RHBDD1: variants seen among roughly 807,000 people sequenced by gnomAD.
The protein encoded by RHBDD1 is rhomboid-related protein 4.
Under a neutral mutation model 36.3 loss-of-function variants are expected in RHBDD1, and 38 were observed. That is an observed-to-expected ratio of 1.05 (90% CI 0.81 to 1.37). The LOEUF (loss-of-function observed/expected upper bound fraction) is 1.37, where lower values mean the gene tolerates loss of function less well. RHBDD1 is among the 40% of genes most tolerant of loss of function. The pLI is 0.00. For missense variants in RHBDD1, 393 were observed against 377.6 expected, an observed-to-expected ratio of 1.04 and a Z score of -0.34; for synonymous variants, 151 against 136.5, an observed-to-expected ratio of 1.11 and a Z score of -0.74.
chr2:226,971,669 A>G (rs1193598273), intron 8 of RHBDD1, among the ~76,000 whole-genome samples: 1 of 152,184 alleles, frequency 6.6e-6, no homozygotes, highest in African/African-American at 2.4e-5. Context: ...AAATATTCAG[A>G]CAAGTTTCTT....
At position 226,988,789 on chromosome 2, in the gene RHBDD1, A is replaced by G. The variant is rs554250273; in HGVS notation, c.857-6642A>G. 1.2e-5 allele frequency: 10 copies of G among 803,276 alleles called. No individual in the cohort carries two copies. In the African/African-American group the frequency reaches 1.7e-4, roughly 13 times the overall value. The allele number at this position is 803,276 out of a possible 1,614,324, so 49.8% of individuals were successfully genotyped here. On this transcript the variant is annotated intron_variant, in intron 8 of 8. Transcript: ENST00000392062. ...TGTAAGAAGTTACAAACTGTTCTCT[A>G]TTTTAGAAAATACTTGAGAGTTAAC...
At chr2:226,855,512 A>G (rs1943237158) in intron 3 of RHBDD1, among the ~76,000 whole-genome samples, 1 of 152,218 alleles carries the variant, frequency 6.6e-6, no homozygotes, top group Admixed American at 6.5e-5. Flanking sequence ...CTAAAAAACA[A>G]AAAACCCTCT....
chr2:226,958,315 C>T (rs753728836), intron 8 of RHBDD1, among the ~76,000 whole-genome samples: 12 of 152,040 alleles, frequency 7.9e-5, no homozygotes, highest in Non-Finnish European at 1.8e-4. Flanking sequence ...TATGAAGTGG[C>T]CATAATAGGC....
intron 5 of RHBDD1, among the ~76,000 whole-genome samples, chr2:226,879,348 A>G (rs746018288): frequency 1.3e-5 from 2 of 152,192 alleles, no homozygotes; most frequent in African/African-American, 4.8e-5. Flanking sequence ...TCTGGTGGCA[A>G]TGAGAAGAAC....
chr2:226,966,070 A>G (rs896864890), intron 8 of RHBDD1, among the ~76,000 whole-genome samples: 4 of 152,202 alleles, frequency 2.6e-5, no homozygotes, highest in African/African-American at 9.6e-5. Flanking sequence ...GGTTGGTTCA[A>G]CATACGCAAA....
At chr2:226,904,953 G>A (rs973612769) in intron 5 of RHBDD1, among the ~76,000 whole-genome samples, 2 of 152,098 alleles carry the variant, frequency 1.3e-5, no homozygotes, top group African/African-American at 4.8e-5. Flanking sequence ...AAACGGTCCT[G>A]GCACACTTGA....
the RHBDD1 span, among the ~76,000 whole-genome samples, chr2:226,813,597 C>T: frequency 5.3e-5 from 8 of 152,202 alleles, no homozygotes; most frequent in South Asian, 2.1e-4. Flanking sequence ...TCCTTCACTC[C>T]GCTCTGTCAC....
At chr2:226,916,620 T>G (rs1420723653) in intron 8 of RHBDD1, among the ~76,000 whole-genome samples, 1 of 152,208 alleles carries the variant, frequency 6.6e-6, no homozygotes, top group African/African-American at 2.4e-5. Flanking sequence ...AGACATCTTC[T>G]GATTATTATC....
chr2:226,938,943 G>C (rs1950510400), intron 8 of RHBDD1, among the ~76,000 whole-genome samples: 1 of 152,156 alleles, frequency 6.6e-6, no homozygotes, highest in African/African-American at 2.4e-5. Flanking sequence ...GATCAAGTAG[G>C]CTTCATCTCT....
the RHBDD1 span, among the ~76,000 whole-genome samples, chr2:226,818,253 A>G: frequency 7.4e-6 from 1 of 135,616 alleles, no homozygotes; most frequent in African/African-American, 2.8e-5. Flanking sequence ...TCCGCCTCCC[A>G]TGTTCACACC....
At chr2:226,893,608 A>G (rs1246374220) in intron 5 of RHBDD1, among the ~76,000 whole-genome samples, 4 of 152,254 alleles carry the variant, frequency 2.6e-5, no homozygotes, top group Admixed American at 6.5e-5. Flanking sequence ...TCGAAGCCTC[A>G]TGATTAAAAG....
chr2:226,834,643 T>C (rs971343269), upstream of RHBDD1, among the ~76,000 whole-genome samples: 1 of 152,236 alleles, frequency 6.6e-6, no homozygotes, highest in African/African-American at 2.4e-5. Flanking sequence ...GTTTTTGTTT[T>C]AGCAGACTAT....
chr2:226,887,569 A>T (rs1370204345), intron 5 of RHBDD1, among the ~76,000 whole-genome samples: 1 of 152,242 alleles, frequency 6.6e-6, no homozygotes, highest in African/African-American at 2.4e-5. Context: ...CAGTTTTGTG[A>T]AGTGTGATGC....
At chr2:226,912,057 A>G (rs1348959562) in intron 7 of RHBDD1, among the ~76,000 whole-genome samples, 1 of 152,182 alleles carries the variant, frequency 6.6e-6, no homozygotes. Flanking sequence ...AGAATGGACA[A>G]AAGATCTGGC....
intron 5 of RHBDD1, among the ~76,000 whole-genome samples, chr2:226,902,219 C>T (rs1275163221): frequency 6.6e-6 from 1 of 152,236 alleles, no homozygotes; most frequent in East Asian, 1.9e-4. Flanking sequence ...CCACAAGCTT[C>T]ACAACTTCTG....
chr2:226,818,341 T>A, the RHBDD1 span, among the ~76,000 whole-genome samples: 1 of 150,102 alleles, frequency 6.7e-6, no homozygotes, highest in Admixed American at 6.6e-5. Context: ...TTTTTTGGTA[T>A]TTTTTTAGTA....
chr2:226,932,265 G>A (rs1372565799), intron 8 of RHBDD1, among the ~76,000 whole-genome samples: 2 of 152,068 alleles, frequency 1.3e-5, no homozygotes, highest in East Asian at 1.9e-4. Flanking sequence ...AATGCCACGT[G>A]CACCTGAAAA....
chr2:226,828,707 TTGA>T, the RHBDD1 span, among the ~76,000 whole-genome samples: 1 of 152,334 alleles, frequency 6.6e-6, no homozygotes, highest in Non-Finnish European at 1.5e-5. Flanking sequence ...TATATCTTCT[TTGA>T]TGAAGAATAT....
intron 5 of RHBDD1, among the ~76,000 whole-genome samples, chr2:226,902,902 C>A (rs1947712190): frequency 6.6e-6 from 1 of 152,132 alleles, no homozygotes; most frequent in Admixed American, 6.6e-5. Flanking sequence ...GTATTGTACT[C>A]TAAATTGTAA....
Sources: gnomAD v4.1 joint callset for allele counts (sites outside exome capture counted in the v4.1 genomes callset) on GRCh38, gnomAD v4.1.1 for gene constraint, MANE v1.5 for transcripts, NCBI Gene and HGNC (gene_info 2026-07-23, HGNC 2026-07-21) for gene names.